Variants in COL4A5 observed in about 807,000 individuals in gnomAD.
COL4A5 encodes the protein collagen alpha-5(IV) chain.
In COL4A5, 26 loss-of-function variants were observed where a neutral mutation model predicts 130.2. That is an observed-to-expected ratio of 0.20 (90% confidence interval 0.15 to 0.28). The LOEUF is 0.28. Ranked by LOEUF, COL4A5 falls within the 10% of genes least tolerant of loss-of-function variation. The pLI, the probability that COL4A5 is intolerant of heterozygous loss-of-function variation, is 1.00. For synonymous variants in COL4A5, 496 were observed against 439.6 expected, an observed-to-expected ratio of 1.13 and a Z score of -1.60; for missense variants, 1,131 against 1,344.3, an observed-to-expected ratio of 0.84 and a Z score of 2.48.
intron 33 of COL4A5, among the ~76,000 whole-genome samples, chrX:108,623,703 T>G (rs2067099746): frequency 8.9e-6 from 1 of 111,850 alleles, no homozygotes; most frequent in Non-Finnish European, 1.9e-5. Context: ...ATGTTAACAG[T>G]TTCCCTATGA....
intron 28 of COL4A5, 114 bp from the exon 29 acceptor site, chrX:108,606,628 C>G (rs1179805945): frequency 1.0e-5 from 8 of 794,465 alleles, no homozygotes; most frequent in African/African-American, 2.0e-5. Flanking sequence ...TCCTCTCCCC[C>G]CATGGAAGGA....
intron 1 of COL4A5, among the ~76,000 whole-genome samples, chrX:108,523,873 C>G (rs777749733): frequency 9.0e-6 from 1 of 111,379 alleles, no homozygotes; most frequent in Non-Finnish European, 1.9e-5. Context: ...GATTTTTTCA[C>G]TTAACTTTAT....
In COL4A5 at chrX:108,682,022, C is replaced by T. The variant is rs144762195; in HGVS notation, c.4216+134C>T. On this transcript the variant is annotated intron_variant, in intron 47 of 52. Coordinates refer to ENST00000328300, the MANE Select transcript of COL4A5 (RefSeq NM_033380.3). ...GCTGCACCTATCAACCCATCATCTA[C>T]GTTAGATATTTCTCCTAATGCTATC... 4,840 of 607,886 alleles carry T rather than the reference C, an allele frequency of 8.0e-3. 30 individuals are homozygous for T. The highest frequency in any genetic ancestry group is 0.025 in the Middle Eastern group (48 of 1,952). 50.1% of individuals were successfully genotyped at this position (607,886 alleles called of 1,213,427 possible).
chrX:108,674,888 C>G, intron 43 of COL4A5, 135 bp downstream of exon 43: 1 of 574,149 alleles, frequency 1.7e-6, no homozygotes, highest in Non-Finnish European at 2.6e-6. Flanking sequence ...GGGGTTTTAA[C>G]ATTTTGATGA....
At chrX:108,504,985 T>C (rs1318866164) in intron 1 of COL4A5, among the ~76,000 whole-genome samples, 3 of 111,686 alleles carry the variant, frequency 2.7e-5, no homozygotes, top group Non-Finnish European at 5.6e-5. Flanking sequence ...CCAACCTAAG[T>C]GCCCATCAAC....
intron 40 of COL4A5, 110 bp downstream of exon 40, chrX:108,667,293 C>A: frequency 1.4e-6 from 1 of 719,844 alleles, no homozygotes; most frequent in Non-Finnish European, 2.1e-6. Context: ...CATGTAAGAA[C>A]CCAGAAAACT....
chrX:108,541,919 T>A (rs927022331), intron 2 of COL4A5, among the ~76,000 whole-genome samples: 1 of 111,422 alleles, frequency 9.0e-6, no homozygotes, highest in African/African-American at 3.3e-5. Flanking sequence ...AGTATGCAAT[T>A]AAAAATTACC....
chrX:108,513,152 T>A lies in COL4A5; in HGVS notation c.82-26594T>A, dbSNP rs146718799. On this transcript the variant is annotated intron_variant, in intron 1 of 52. Coordinates refer to ENST00000328300, the MANE Select transcript of COL4A5 (RefSeq NM_033380.3). ...GGATTAATAGCTGGGAGTGGAATTGTTGAGTCATAGGGAAGGTGTATGCTT... is the reference window on the plus strand; with the variant it reads ...GGATTAATAGCTGGGAGTGGAATTGATGAGTCATAGGGAAGGTGTATGCTT... 3.0e-3 allele frequency among the ~76,000 whole-genome samples: 334 copies of A among 111,873 alleles called. 2 individuals carry two copies. Among genetic ancestry groups the A allele is most frequent in the Non-Finnish European group, 4.8e-3 (256 of 53,162 alleles).
intron 2 of COL4A5, among the ~76,000 whole-genome samples, chrX:108,543,970 C>G (rs773384297): frequency 8.9e-6 from 1 of 112,149 alleles, no homozygotes; most frequent in South Asian, 3.7e-4. Context: ...CATCCTGAGA[C>G]TTTGCTGAAG....
chrX:108,585,122 A>G (rs2066314725), intron 18 of COL4A5, among the ~76,000 whole-genome samples: 1 of 112,031 alleles, frequency 8.9e-6, no homozygotes, highest in Non-Finnish European at 1.9e-5. Context: ...AGTCAAATAT[A>G]CTTCCAGTCT....
intron 36 of COL4A5, among the ~76,000 whole-genome samples, chrX:108,637,527 A>G (rs1205077284): frequency 8.9e-6 from 1 of 112,145 alleles, no homozygotes; most frequent in Non-Finnish European, 1.9e-5. Flanking sequence ...CAAAAAGATA[A>G]CAAAATAGAA....
At chrX:108,663,361 A>G (rs2068002831) in intron 37 of COL4A5, among the ~76,000 whole-genome samples, 1 of 112,120 alleles carries the variant, frequency 8.9e-6, no homozygotes, top group Admixed American at 9.5e-5. Context: ...TGAAAACTAT[A>G]AAACCTGCTA....
chrX:108,601,313 T>C (rs2066623923), intron 25 of COL4A5, 80 bp from the exon 26 acceptor site: 3 of 635,885 alleles, frequency 4.7e-6, no homozygotes, highest in Middle Eastern at 9.8e-4. Flanking sequence ...CTGATAATTT[T>C]CTTTTTTGTT....
chrX:108,501,589 A>G (rs190988228), intron 1 of COL4A5, among the ~76,000 whole-genome samples: 1 of 112,053 alleles, frequency 8.9e-6, no homozygotes, highest in Admixed American at 9.5e-5. Flanking sequence ...TAGGCACACT[A>G]TAAGTATTGT....
At chrX:108,472,403 T>A (rs2064782070) in intron 1 of COL4A5, among the ~76,000 whole-genome samples, 1 of 111,577 alleles carries the variant, frequency 9.0e-6, no homozygotes, top group Non-Finnish European at 1.9e-5. Flanking sequence ...AGATGTTCAA[T>A]CCATTATTGA....
intron 37 of COL4A5, among the ~76,000 whole-genome samples, chrX:108,658,539 T>C (rs1214957216): frequency 9.0e-6 from 1 of 111,471 alleles, no homozygotes; most frequent in Non-Finnish European, 1.9e-5. Context: ...TCTGGATCTG[T>C]AGTTTTCTTT....
In COL4A5 at chrX:108,496,316, C is replaced by T. The variant is rs762476209; in HGVS notation, c.82-43430C>T. ...TTTTTTCAATAATTTTACTTTGACT[C>T]ATATGTTAATACTTGGAAGTGTCTT... On this transcript the variant is annotated intron_variant, in intron 1 of 52. Transcript: ENST00000328300. 1.2e-4 allele frequency among the ~76,000 whole-genome samples: 13 copies of T among 111,731 alleles called. No individual in the cohort carries two copies. The East Asian group carries it at 2.5e-3, about 22-fold the overall frequency.
At chrX:108,514,953 A>G (rs1444381230) in intron 1 of COL4A5, among the ~76,000 whole-genome samples, 2 of 111,950 alleles carry the variant, frequency 1.8e-5, no homozygotes, top group Non-Finnish European at 3.8e-5. Context: ...ACACTAAAGC[A>G]GTTGTCTCAT....
intron 29 of COL4A5, among the ~76,000 whole-genome samples, chrX:108,612,364 T>C (rs2066851389): frequency 1.8e-5 from 2 of 111,322 alleles, no homozygotes; most frequent in South Asian, 3.7e-4. Flanking sequence ...TAAAACTCCC[T>C]ATATTCATAG....
Sources: allele counts gnomAD v4.1 joint callset (sites outside exome capture counted in the v4.1 genomes callset), GRCh38; gene constraint gnomAD v4.1.1; transcripts MANE v1.5; gene names NCBI Gene and HGNC (gene_info 2026-07-23, HGNC 2026-07-21).